Variants in PCDHGB2 observed in about 807,000 individuals in gnomAD.
The protein encoded by PCDHGB2 is protocadherin gamma subfamily B, 2, also known as protocadherin gamma-B2.
Under a neutral mutation model 59.3 loss-of-function variants are expected in PCDHGB2, and 55 were observed. That is an observed-to-expected ratio of 0.93 (90% CI 0.75 to 1.16). The LOEUF is 1.16. Among genes scored for constraint, PCDHGB2 ranks in the 50% most tolerant of loss-of-function variants. PCDHGB2 has a pLI of 0.00. For missense variants in PCDHGB2, 1,228 were observed against 1,198.5 expected (o/e 1.02, Z -0.36); for synonymous variants, 516 against 512.0 (o/e 1.01, Z -0.11).
At chr5:141,496,583 C>A (rs990137003) in intron 2 of PCDHGB2, among the ~76,000 whole-genome samples, 1 of 152,168 alleles carries the variant, frequency 6.6e-6, no homozygotes, top group African/African-American at 2.4e-5. Flanking sequence ...TTTAGGAACG[C>A]AAAGCGCTTC....
At chr5:141,394,915 C>T in intron 1 of PCDHGB2, 1 of 1,613,774 alleles carries the variant, frequency 6.2e-7, no homozygotes, top group Non-Finnish European at 8.5e-7. Flanking sequence ...GCTGCCATCT[C>T]CTGTGTCTTC....
chr5:141,361,233 C>G lies in PCDHGB2; in HGVS notation c.1098C>G (p.Ile366Met). The G allele has an allele frequency of 6.2e-7, 1 of 1,613,952 alleles. No homozygotes were observed. The highest frequency in any genetic ancestry group is 8.5e-7 in the Non-Finnish European group (1 of 1,179,894). The change falls in exon 1 of 4, where the codon ATC becomes ATG. Residue 366 changes from isoleucine (I) to methionine (M), a missense_variant. Ile to Met is a conservative substitution (Grantham distance 10). Transcript: ENST00000522605. ...AGGATTCGCCACCAGGAACAGTGAT[C>G]GCCTTGATAAAAACGAGAGACAGAG... The part of the protein sequence containing the change: ...LPEDSPPGTV[I>M]ALIKTRDRDS...
At chr5:141,444,637 G>C (rs2098443357) in intron 1 of PCDHGB2, among the ~76,000 whole-genome samples, 1 of 152,236 alleles carries the variant, frequency 6.6e-6, no homozygotes, top group Non-Finnish European at 1.5e-5. Context: ...CCAGTTCATT[G>C]AGGTAGGGGT....
intron 1 of PCDHGB2, among the ~76,000 whole-genome samples, chr5:141,465,904 C>T (rs1364574558): frequency 2.0e-5 from 3 of 152,046 alleles, no homozygotes; most frequent in Admixed American, 6.5e-5. Context: ...GGGCAAATCA[C>T]GAGGTCAGGA....
At chr5:141,428,448 T>C in intron 1 of PCDHGB2, 12 of 375,612 alleles carry the variant, frequency 3.2e-5, no homozygotes, top group South Asian at 2.4e-4. Flanking sequence ...CAGGGGTTTT[T>C]CCCAACTACA....
At position 141,385,580 on chromosome 5, in the gene PCDHGB2, A is replaced by G. The variant is rs2090291043; in HGVS notation, c.2421+23024A>G. On this transcript the variant is annotated intron_variant, in intron 1 of 3. Transcript: ENST00000522605. Reference sequence around the variant, plus strand: ...ATAATTTCCACCTACTTTCCAATCTATGTTCCAACCTACTTTCTTAACTCA... The same window carrying G: ...ATAATTTCCACCTACTTTCCAATCTGTGTTCCAACCTACTTTCTTAACTCA... The G allele has an allele frequency of 4.7e-6, 6 of 1,280,456 alleles. No individual in the cohort carries two copies. The South Asian group carries it at 1.2e-4, about 25-fold the overall frequency. The allele number at this position is 1,280,456 out of a possible 1,614,324, so 79.3% of individuals were successfully genotyped here.
At position 141,490,479 on chromosome 5, in the gene PCDHGB2, C is replaced by T; in HGVS notation, c.2422-4328C>T. 11 of 1,614,216 alleles carry T rather than the reference C, an allele frequency of 6.8e-6. No homozygotes were observed. Among genetic ancestry groups the T allele is most frequent in the Non-Finnish European group, 9.3e-6 (11 of 1,180,032 alleles). ...CGCTGCTAACCAGCCAGCCTTTGGACCGGGAGGCCACATCCCACTATATCA... is the reference window on the plus strand; with the variant it reads ...CGCTGCTAACCAGCCAGCCTTTGGATCGGGAGGCCACATCCCACTATATCA... On this transcript the variant is annotated intron_variant, in intron 1 of 3. Coordinates refer to ENST00000522605, the MANE Select transcript of PCDHGB2 (RefSeq NM_018923.3). This position sits in a 1 kb window ranked among gnomAD's most constrained non-coding sequence, Gnocchi z 5.4.
In PCDHGB2 at chr5:141,365,440, C is replaced by A. The variant is rs1454096579; in HGVS notation, c.2421+2884C>A. On this transcript the variant is annotated intron_variant, in intron 1 of 3. Transcript: ENST00000522605. Reference sequence around the variant, plus strand: ...CCGGAACTGTAATCGCGCTGTTTAGCGTACATGATGGTGATTCTGGAGAAA... The same window carrying A: ...CCGGAACTGTAATCGCGCTGTTTAGAGTACATGATGGTGATTCTGGAGAAA... 5.0e-6 allele frequency: 8 copies of A among 1,613,836 alleles called. No homozygotes were observed. The Admixed American group carries it at 6.7e-5, about 13-fold the overall frequency.
rs759356451 is a variant in PCDHGB2, at chr5:141,476,397, G to C, written c.2422-18410G>C. On this transcript the variant is annotated intron_variant, in intron 1 of 3. Transcript: ENST00000522605. The surrounding 1 kb of genome is among the most constrained non-coding windows in gnomAD (Gnocchi z 7.6). ...ATGTTTGTGAACGACCGTCTGGATC[G>C]AGAGGAGCTGTGTGGGACACTGCCC... The C allele has an allele frequency of 6.2e-7, 1 of 1,614,142 alleles. No individual in the cohort carries two copies. The highest frequency in any genetic ancestry group is 8.5e-7 in the Non-Finnish European group (1 of 1,180,036).
intron 1 of PCDHGB2, among the ~76,000 whole-genome samples, chr5:141,369,378 T>A (rs866878162): frequency 6.6e-6 from 1 of 151,988 alleles, no homozygotes; most frequent in Admixed American, 6.6e-5. Context: ...TTTGTAAAAG[T>A]TTTTCATTTG....
chr5:141,402,880 A>G (rs886365174), intron 1 of PCDHGB2: 2 of 1,474,944 alleles, frequency 1.4e-6, no homozygotes, highest in Non-Finnish European at 1.8e-6. Flanking sequence ...CATACTTTGC[A>G]GGGTGGAAGA....
intron 1 of PCDHGB2, among the ~76,000 whole-genome samples, chr5:141,468,754 T>C (rs1205525962): frequency 6.6e-6 from 1 of 152,036 alleles, no homozygotes; most frequent in Admixed American, 6.6e-5. Flanking sequence ...TAGTCCCAGC[T>C]ACTCGGGAGG....
chr5:141,395,241 A>T (rs1398967812), intron 1 of PCDHGB2: 1 of 1,571,196 alleles, frequency 6.4e-7, no homozygotes, highest in East Asian at 2.3e-5. Context: ...TGGTCAGGTG[A>T]GTTTAGTTCT....
Position 141,432,405 on chromosome 5 carries a change from GC to G in PCDHGB2, c.2422-62400del. On this transcript the variant is annotated intron_variant, in intron 1 of 3. Coordinates refer to ENST00000522605, the MANE Select transcript of PCDHGB2 (RefSeq NM_018923.3). This position sits in a 1 kb window ranked among gnomAD's most constrained non-coding sequence, Gnocchi z 6.0. ...CCCCTCAGCAGCAACGTGTCGTTGA[GC>G]CTGTTCGTGCTGGACCAGAACGACA... The G allele has an allele frequency of 6.2e-7, 1 of 1,614,246 alleles. No individual in the cohort carries two copies. Among genetic ancestry groups the G allele is most frequent in the South Asian group, 1.1e-5 (1 of 91,084 alleles).
At chr5:141,438,633 TATACAC>T (rs1275936248) in intron 1 of PCDHGB2, among the ~76,000 whole-genome samples, 1,035 of 33,718 alleles carry the variant, frequency 0.031, 6 homozygotes, top group African/African-American at 0.063. Context: ...TATATATATA[TATACAC>T]ACACACACAC....
At chr5:141,399,509 A>G in intron 1 of PCDHGB2, 13 of 1,613,968 alleles carry the variant, frequency 8.1e-6, no homozygotes, top group Non-Finnish European at 1.1e-5. Flanking sequence ...CCCGAAAACA[A>G]CCCTCCTGGG....
At chr5:141,470,038 A>C (rs1256439782) in intron 1 of PCDHGB2, among the ~76,000 whole-genome samples, 1 of 152,204 alleles carries the variant, frequency 6.6e-6, no homozygotes, top group Non-Finnish European at 1.5e-5. Flanking sequence ...CTGAGGCGCG[A>C]GAACTGTTTG....
At chr5:141,378,810 A>G (rs920121754) in intron 1 of PCDHGB2, 1 of 152,256 alleles carries the variant, frequency 6.6e-6, no homozygotes, top group Non-Finnish European at 1.5e-5. Context: ...TGCAAACAGA[A>G]TCATTGTTTC....
chr5:141,430,754 A>G (rs778266116), intron 1 of PCDHGB2: 26 of 1,503,884 alleles, frequency 1.7e-5, no homozygotes, highest in East Asian at 4.6e-5. Flanking sequence ...CTGGAGGAAG[A>G]TAAGAATGAT....
Sources: allele counts gnomAD v4.1 joint callset (sites outside exome capture counted in the v4.1 genomes callset), GRCh38; gene constraint gnomAD v4.1.1; non-coding constraint Gnocchi (gnomAD v3.1); transcripts MANE v1.5; gene names NCBI Gene and HGNC (gene_info 2026-07-23, HGNC 2026-07-21).